Variants in ZNF618 observed in about 807,000 individuals in gnomAD.
ZNF618 encodes the protein zinc finger protein 618, also known as neural precursor cell expressed, developmentally down-regulated 10.
Under a neutral mutation model 103.0 loss-of-function variants are expected in ZNF618, and 34 were observed. The observed-to-expected ratio is 0.33, with a 90% confidence interval of 0.25 to 0.44. ZNF618 has a LOEUF of 0.44. ZNF618 is among the 20% of genes least tolerant of loss of function. The pLI is 1.00. For synonymous variants in ZNF618, 551 were observed against 542.2 expected, an observed-to-expected ratio of 1.02 and a Z score of -0.23; for missense variants, 1,059 against 1,295.4, an observed-to-expected ratio of 0.82 and a Z score of 2.80.
rs569824590 is a variant in ZNF618 at position 113,989,004 on chromosome 9, C to T, written c.337+424C>T. Among the ~76,000 whole-genome samples, 21 of 152,300 alleles carry T rather than the reference C, an allele frequency of 1.4e-4. No individual in the cohort carries two copies. The South Asian group carries it at 3.7e-3, about 27-fold the overall frequency. ...TACCCCATCAGGATTGGATCAGTGACAGATGGCACTTCCCCTGCCTCTTCT... is the reference window on the plus strand; with the variant it reads ...TACCCCATCAGGATTGGATCAGTGATAGATGGCACTTCCCCTGCCTCTTCT... On this transcript the variant is annotated intron_variant, in intron 3 of 14. Coordinates refer to ENST00000374126, the MANE Select transcript of ZNF618 (RefSeq NM_001318042.2).
At chr9:113,986,374 TC>T (rs1288714716) in intron 2 of ZNF618, among the ~76,000 whole-genome samples, 2 of 152,188 alleles carry the variant, frequency 1.3e-5, no homozygotes, top group Non-Finnish European at 2.9e-5. Flanking sequence ...CCTGTATGAG[TC>T]ATCTTGGGCT....
chr9:114,049,694 G>A lies in ZNF618; in HGVS notation c.2392G>A (p.Val798Met). 6.2e-7 allele frequency: 1 copy of A among 1,613,844 alleles called. No homozygotes were observed. Among genetic ancestry groups the A allele is most frequent in the Non-Finnish European group, 8.5e-7 (1 of 1,179,900 alleles). ...GGAGGCGCTCAAGGAGAACTTCAAG[G>A]TGCACCCGGCCCACAAGGTGGCCAT... ...FLEALKENFK[V>M]HPAHKVAMIL... Residue 798 changes from valine (V) to methionine (M), a missense_variant, in exon 15 of 15, where the codon GTG becomes ATG. Val to Met is a conservative substitution (Grantham distance 21). This residue lies in a region of ZNF618 where 272 missense variants were observed against 380.1 expected (regional missense o/e 0.72). Transcript: ENST00000374126.
intron 1 of ZNF618, among the ~76,000 whole-genome samples, chr9:113,954,052 T>C (rs974350541): frequency 1.3e-5 from 2 of 152,148 alleles, no homozygotes; most frequent in African/African-American, 4.8e-5. Context: ...ATGAAGCCTT[T>C]AGCAACAACT....
intron 11 of ZNF618, among the ~76,000 whole-genome samples, chr9:114,030,009 T>C (rs994238898): frequency 6.6e-6 from 1 of 152,184 alleles, no homozygotes. Context: ...ATGTGGTGCC[T>C]CTGGGACCGC....
In ZNF618 at chr9:113,925,039, C is replaced by T. The variant is rs139894584; in HGVS notation, c.34-44078C>T. ...ACCCTATAATAATGTCAATTAGATC[C>T]AGTTGATTGATGATGTTGTTTAATT... is the stretch of plus-strand genomic sequence containing the variant. On this transcript the variant is annotated intron_variant, in intron 1 of 14. Transcript: ENST00000374126. 7.2e-4 allele frequency among the ~76,000 whole-genome samples: 109 copies of T among 151,982 alleles called. 1 individual carries two copies. The East Asian group carries it at 0.018, about 25-fold the overall frequency.
intron 9 of ZNF618, chr9:114,016,159 G>A: frequency 6.2e-7 from 1 of 1,613,714 alleles, no homozygotes; most frequent in Admixed American, 1.7e-5. Flanking sequence ...AAGTTAGGCA[G>A]TGCCAAAAGA....
At position 114,007,446 on chromosome 9, in the gene ZNF618, C is replaced by G. The variant is rs780976355; in HGVS notation, c.640+7C>G. 65 of 1,612,672 alleles carry G rather than the reference C, an allele frequency of 4.0e-5. No individual in the cohort carries two copies. The South Asian group carries it at 4.7e-4, about 12-fold the overall frequency. On this transcript the variant is annotated splice_region_variant and intron_variant, in intron 7 of 14. Transcript: ENST00000374126. The stretch of plus-strand genomic sequence containing the variant: ...GACCTGCACGCAGTGGATGGTGAGT[C>G]AGGCCCCTCACTCCCTGGAGTCATG...
intron 1 of ZNF618, among the ~76,000 whole-genome samples, chr9:113,932,873 C>A (rs974070381): frequency 2.0e-5 from 3 of 152,038 alleles, no homozygotes; most frequent in African/African-American, 7.3e-5. Flanking sequence ...GGAGCGCAGG[C>A]GAGCAGTGGT....
chr9:113,932,822 G>A (rs564884526), intron 1 of ZNF618, among the ~76,000 whole-genome samples: 1 of 152,248 alleles, frequency 6.6e-6, no homozygotes, highest in East Asian at 1.9e-4. Flanking sequence ...CCTCTGAGGT[G>A]CCCCAGTGCT....
chr9:113,916,266 C>T (rs780568569), intron 1 of ZNF618, among the ~76,000 whole-genome samples: 54 of 152,134 alleles, frequency 3.5e-4, no homozygotes, highest in Non-Finnish European at 6.9e-4. Context: ...AATAAAAAAT[C>T]ACAGCCATGA....
chr9:113,904,617 A>G (rs1421849799), intron 1 of ZNF618, among the ~76,000 whole-genome samples: 1 of 152,236 alleles, frequency 6.6e-6, no homozygotes, highest in African/African-American at 2.4e-5. Context: ...GCCTAAAACA[A>G]CACAAATTTA....
At chr9:113,973,906 G>A (rs1413995054) in intron 2 of ZNF618, among the ~76,000 whole-genome samples, 1 of 152,174 alleles carries the variant, frequency 6.6e-6, no homozygotes, top group Non-Finnish European at 1.5e-5. Flanking sequence ...TTTGTTATAG[G>A]TTGCCCAACA....
chr9:113,927,154 A>G (rs1833175046), intron 1 of ZNF618, among the ~76,000 whole-genome samples: 1 of 152,212 alleles, frequency 6.6e-6, no homozygotes, highest in Non-Finnish European at 1.5e-5. Flanking sequence ...GACATGTTGT[A>G]TCTAGTAGTA....
chr9:113,998,141 G>C, intron 3 of ZNF618, 118 bp from the exon 4 acceptor site: 1 of 886,536 alleles, frequency 1.1e-6, no homozygotes, highest in Non-Finnish European at 1.8e-6. Context: ...TTTTAACGAA[G>C]AGGTAGGCAG....
At position 113,988,452 on chromosome 9, in the gene ZNF618, A is replaced by G; in HGVS notation, c.209A>G (p.Tyr70Cys). The change falls in exon 3 of 15, where the codon TAC (tyrosine) becomes TGC (cysteine). Residue 70 changes from tyrosine (Y) to cysteine (C), a missense_variant. Physicochemically the swap from Tyr to Cys is radical, Grantham distance 194. This residue lies in a region of ZNF618 where 194 missense variants were observed against 209.0 expected (regional missense o/e 0.93). Coordinates refer to ENST00000374126, the MANE Select transcript of ZNF618 (RefSeq NM_001318042.2). ...VKVKTELPDD[Y>C]IQEVIWQGEA... ...GTGAAGACAGAGCTGCCCGATGACT[A>G]CATCCAGGAGGTGATCTGGCAGGGC... The G allele has an allele frequency of 6.2e-7, 1 of 1,613,664 alleles. No homozygotes were observed. Among genetic ancestry groups the G allele is most frequent in the Non-Finnish European group, 8.5e-7 (1 of 1,179,906 alleles).
chr9:113,930,128 C>T (rs571603307), intron 1 of ZNF618, among the ~76,000 whole-genome samples: 17 of 152,312 alleles, frequency 1.1e-4, no homozygotes, highest in Non-Finnish European at 1.9e-4. Context: ...CCTAGTGTTA[C>T]ACGTTGTCTG....
At chr9:113,982,384 A>G (rs1354859793) in intron 2 of ZNF618, among the ~76,000 whole-genome samples, 2 of 151,760 alleles carry the variant, frequency 1.3e-5, no homozygotes, top group East Asian at 1.9e-4. Flanking sequence ...TTGTGGCCAC[A>G]TCATTCCAGC....
At chr9:113,913,471 G>C (rs1301016277) in intron 1 of ZNF618, among the ~76,000 whole-genome samples, 1 of 152,372 alleles carries the variant, frequency 6.6e-6, no homozygotes, top group South Asian at 2.1e-4. Flanking sequence ...GTATCCAGTT[G>C]TGAGGAACCT....
intron 1 of ZNF618, among the ~76,000 whole-genome samples, chr9:113,948,712 G>A (rs2900570): frequency 0.57 from 87,323 of 152,102 alleles, 25,412 homozygotes; most frequent in East Asian, 0.68. Context: ...GGAGCCAGCC[G>A]TGTTGGGGAA....
Sources: gnomAD v4.1 joint callset for allele counts (sites outside exome capture counted in the v4.1 genomes callset) on GRCh38, gnomAD v4.1.1 for gene constraint, gnomAD v4.1.1 regional missense constraint, MANE v1.5 for transcripts, NCBI Gene and HGNC (gene_info 2026-07-23, HGNC 2026-07-21) for gene names.